Variants in LRRTM4 observed in about 807,000 individuals in gnomAD.
LRRTM4 encodes leucine rich repeat transmembrane neuronal 4.
A neutral mutation model predicts 47.6 loss-of-function variants in LRRTM4; 25 were observed. That is an observed-to-expected ratio of 0.53 (90% CI 0.38 to 0.73). LRRTM4 has a LOEUF of 0.73. Ranked by LOEUF, LRRTM4 falls within the 30% of genes least tolerant of loss-of-function variation. The pLI, the probability that LRRTM4 is intolerant of heterozygous loss-of-function variation, is 0.00. For missense variants in LRRTM4, 638 were observed against 713.4 expected, an observed-to-expected ratio of 0.89 and a Z score of 1.20; for synonymous variants, 311 against 269.5, an observed-to-expected ratio of 1.15 and a Z score of -1.51.
At chr2:77,180,448 T>C (rs1447471615) in intron 3 of LRRTM4, among the ~76,000 whole-genome samples, 1 of 152,178 alleles carries the variant, frequency 6.6e-6, no homozygotes, top group Non-Finnish European at 1.5e-5. Flanking sequence ...AAATACTGGC[T>C]CTGCCACTAA....
intron 3 of LRRTM4, among the ~76,000 whole-genome samples, chr2:77,194,182 G>T (rs1164956428): frequency 6.6e-6 from 1 of 152,058 alleles, no homozygotes; most frequent in East Asian, 1.9e-4. Flanking sequence ...AAGAAAATAT[G>T]ACTATATCTT....
At chr2:77,214,762 C>T (rs370686268) in intron 3 of LRRTM4, among the ~76,000 whole-genome samples, 207 of 150,748 alleles carry the variant, frequency 1.4e-3, no homozygotes, top group African/African-American at 4.6e-3. Flanking sequence ...TCTGTTAACT[C>T]GTCTCTGAAA....
At chr2:77,082,931 TTAAAA>T (rs1226551977) in intron 3 of LRRTM4, among the ~76,000 whole-genome samples, 1 of 152,122 alleles carries the variant, frequency 6.6e-6, no homozygotes, top group African/African-American at 2.4e-5. Context: ...CATCTTATAT[TTAAAA>T]TAATTTCATG....
intron 3 of LRRTM4, among the ~76,000 whole-genome samples, chr2:77,035,618 T>C (rs1214092032): frequency 2.0e-5 from 3 of 151,986 alleles, no homozygotes; most frequent in Non-Finnish European, 4.4e-5. Context: ...TCAATAATTT[T>C]ATAAATATCA....
chr2:77,046,710 A>G (rs1015990405), intron 3 of LRRTM4, among the ~76,000 whole-genome samples: 56 of 152,014 alleles, frequency 3.7e-4, no homozygotes, highest in Admixed American at 7.2e-4. Flanking sequence ...AAAAGCATAG[A>G]GAAAAAGGCA....
At chr2:77,042,898 CTT>C (rs775700468) in intron 3 of LRRTM4, among the ~76,000 whole-genome samples, 21 of 151,628 alleles carry the variant, frequency 1.4e-4, no homozygotes, top group Non-Finnish European at 2.4e-4. Context: ...AAGGATAAGA[CTT>C]TTTCTGTGCC....
intron 3 of LRRTM4, among the ~76,000 whole-genome samples, chr2:77,465,339 T>C (rs578089987): frequency 1.2e-4 from 19 of 152,258 alleles, no homozygotes; most frequent in East Asian, 1.2e-3. Context: ...ACGAACATAA[T>C]ATGTATCTGA....
In LRRTM4 at chr2:76,942,676, C is replaced by CAGTGTG. The variant is rs140227592; in HGVS notation, c.1552-193761_1552-193760insCACACT. Reference sequence around the variant, plus strand: ...GGTCAAGTAACCAACCTCTAGGAATCTGTGTGTGTGTGTGTGTGTGTGTGT... The same window carrying CAGTGTG: ...GGTCAAGTAACCAACCTCTAGGAATCAGTGTGTGTGTGTGTGTGTGTGTGTGTGTGT... On this transcript the variant is annotated intron_variant, in intron 3 of 3. Transcript: ENST00000409884. 6.1e-3 allele frequency among the ~76,000 whole-genome samples: 898 copies of CAGTGTG among 148,316 alleles called. 18 individuals carry two copies. The East Asian group carries it at 0.073, about 12-fold the overall frequency.
intron 3 of LRRTM4, among the ~76,000 whole-genome samples, chr2:77,046,845 T>G (rs1679252334): frequency 6.6e-6 from 1 of 151,988 alleles, no homozygotes; most frequent in African/African-American, 2.4e-5. Flanking sequence ...GAGTTTGAAG[T>G]ATTCACAATG....
At chr2:77,107,420 C>T (rs1488082537) in intron 3 of LRRTM4, among the ~76,000 whole-genome samples, 1 of 152,086 alleles carries the variant, frequency 6.6e-6, no homozygotes, top group African/African-American at 2.4e-5. Context: ...AATATATACA[C>T]ATATATACTT....
chr2:77,294,208 A>G (rs1333557862), intron 3 of LRRTM4, among the ~76,000 whole-genome samples: 1 of 152,110 alleles, frequency 6.6e-6, no homozygotes, highest in East Asian at 1.9e-4. Context: ...GGCACGCAGT[A>G]TATTTGGAAT....
chr2:76,936,715 G>A (rs762807482), intron 3 of LRRTM4, among the ~76,000 whole-genome samples: 20 of 151,358 alleles, frequency 1.3e-4, no homozygotes, highest in Non-Finnish European at 2.2e-4. Context: ...AGCACTTTGA[G>A]AGGCCAAGGC....
At chr2:77,206,299 C>T (rs1674124997) in intron 3 of LRRTM4, among the ~76,000 whole-genome samples, 1 of 151,610 alleles carries the variant, frequency 6.6e-6, no homozygotes, top group African/African-American at 2.4e-5. Context: ...GTGCCTCAGC[C>T]TCCTGAGTAC....
At chr2:77,024,769 G>A (rs900753578) in intron 3 of LRRTM4, among the ~76,000 whole-genome samples, 1 of 152,002 alleles carries the variant, frequency 6.6e-6, no homozygotes, top group Admixed American at 6.5e-5. Context: ...GCTTGTAAAA[G>A]TATATAGTAG....
chr2:77,236,014 T>C (rs1675094185), intron 3 of LRRTM4, among the ~76,000 whole-genome samples: 1 of 152,140 alleles, frequency 6.6e-6, no homozygotes, highest in Admixed American at 6.6e-5. Context: ...CCTTTTTCGT[T>C]CCATATAAAT....
chr2:77,354,808 C>T (rs1403740933), intron 3 of LRRTM4, among the ~76,000 whole-genome samples: 2 of 152,142 alleles, frequency 1.3e-5, no homozygotes, highest in African/African-American at 2.4e-5. Flanking sequence ...GCTCTTCTAC[C>T]TCTCAATCTA....
Position 76,896,339 on chromosome 2 carries a change from T to C in LRRTM4, c.1552-147423A>G, listed in dbSNP as rs565366155. 3.3e-5 allele frequency among the ~76,000 whole-genome samples: 5 copies of C among 151,992 alleles called. No individual in the cohort carries two copies. In the South Asian group the frequency reaches 8.3e-4, roughly 25 times the overall value. Reference sequence around the variant, plus strand: ...AAACTGTGCAATCAGGGCCAAAAAGTAAAATAAGGTGAAAAAGTGCTTCAA... The same window carrying C: ...AAACTGTGCAATCAGGGCCAAAAAGCAAAATAAGGTGAAAAAGTGCTTCAA... On this transcript the variant is annotated intron_variant, in intron 3 of 3. Transcript: ENST00000409884.
intron 3 of LRRTM4, among the ~76,000 whole-genome samples, chr2:77,193,536 G>A (rs918433069): frequency 2.0e-5 from 3 of 151,522 alleles, no homozygotes; most frequent in African/African-American, 4.9e-5. Context: ...TCGGCCGGGC[G>A]TAGTGGCTCA....
intron 3 of LRRTM4, among the ~76,000 whole-genome samples, chr2:76,890,576 CATCAG>C: frequency 6.6e-6 from 1 of 151,774 alleles, no homozygotes. Context: ...ACAAAATAAA[CATCAG>C]ATAAGAAAAA....
Sources: allele counts gnomAD v4.1 joint callset (sites outside exome capture counted in the v4.1 genomes callset), GRCh38; gene constraint gnomAD v4.1.1; transcripts MANE v1.5; gene names NCBI Gene and HGNC (gene_info 2026-07-23, HGNC 2026-07-21).